MTSS1: variants seen among roughly 807,000 people sequenced by gnomAD.
The protein encoded by MTSS1 is MTSS I-BAR domain containing 1.
In MTSS1, 18 loss-of-function variants were observed where a neutral mutation model predicts 79.0. The ratio of observed to expected loss-of-function variants is 0.23; its 90% confidence interval spans 0.16 to 0.34. MTSS1 has a LOEUF of 0.34. MTSS1 is among the 10% of genes least tolerant of loss of function. The pLI is 1.00. For synonymous variants in MTSS1, 341 were observed against 368.6 expected (o/e 0.93, Z 0.86); for missense variants, 815 against 986.2 (o/e 0.83, Z 2.33).
intron 5 of MTSS1, among the ~76,000 whole-genome samples, chr8:124,586,340 G>A (rs1391859208): frequency 6.6e-6 from 1 of 152,172 alleles, no homozygotes; most frequent in African/African-American, 2.4e-5. Flanking sequence ...CTGCCTATCT[G>A]CACAGTTTTC....
At chr8:124,556,485 A>G in intron 11 of MTSS1, 80 bp from the exon 12 acceptor site, 7 of 1,432,036 alleles carry the variant, frequency 4.9e-6, no homozygotes, top group Non-Finnish European at 5.6e-6. Context: ...ACAGCTCCCC[A>G]GAGAAGGCAG....
chr8:124,556,472 T>A (rs554181662), intron 11 of MTSS1, 67 bp from the exon 12 acceptor site: 1 of 1,488,400 alleles, frequency 6.7e-7, no homozygotes, highest in Non-Finnish European at 9.0e-7. Flanking sequence ...GGGGACCCCA[T>A]AGACAGCTCC....
intron 6 of MTSS1, among the ~76,000 whole-genome samples, chr8:124,572,738 C>CTTTTTT (rs1554644706): frequency 7.6e-6 from 1 of 132,426 alleles, no homozygotes; most frequent in Non-Finnish European, 1.6e-5. Context: ...TCTTTCTTTT[C>CTTTTTT]TTTTCTTTTT....
chr8:124,664,386 T>C (rs908950501), intron 3 of MTSS1, among the ~76,000 whole-genome samples: 2 of 152,236 alleles, frequency 1.3e-5, no homozygotes, highest in Non-Finnish European at 2.9e-5. Context: ...AGTAGCTTCC[T>C]ACTGGCCTTT....
At chr8:124,672,195 TA>T (rs1400931991) in intron 3 of MTSS1, among the ~76,000 whole-genome samples, 1 of 152,142 alleles carries the variant, frequency 6.6e-6, no homozygotes, top group Non-Finnish European at 1.5e-5. Context: ...TTTGTTCACT[TA>T]AAAATATGGA....
intron 3 of MTSS1, among the ~76,000 whole-genome samples, chr8:124,648,903 A>G (rs899949628): frequency 1.9e-4 from 29 of 152,184 alleles, no homozygotes; most frequent in African/African-American, 7.0e-4. Flanking sequence ...TCCACCCGGG[A>G]CTACCCTCAA....
intron 1 of MTSS1, among the ~76,000 whole-genome samples, chr8:124,725,047 A>G (rs1588014346): frequency 6.6e-6 from 1 of 152,160 alleles, no homozygotes; most frequent in African/African-American, 2.4e-5. Context: ...TTCATTAGCG[A>G]CCACCACCAC....
At chr8:124,689,229 C>T (rs1285972882) in intron 3 of MTSS1, among the ~76,000 whole-genome samples, 1 of 152,036 alleles carries the variant, frequency 6.6e-6, no homozygotes, top group Non-Finnish European at 1.5e-5. Flanking sequence ...ACATTTTGTG[C>T]GTGTTTTCTA....
chr8:124,594,479 G>A (rs1397225555), intron 3 of MTSS1, among the ~76,000 whole-genome samples: 2 of 152,166 alleles, frequency 1.3e-5, no homozygotes, highest in African/African-American at 2.4e-5. Flanking sequence ...ACAGTGAGCT[G>A]AGACTGCGCC....
chr8:124,621,554 T>G (rs551050721), intron 3 of MTSS1, among the ~76,000 whole-genome samples: 6 of 137,228 alleles, frequency 4.4e-5, no homozygotes, highest in Non-Finnish European at 6.8e-5. Flanking sequence ...TGTTTGTGTG[T>G]TTTTTTTTGA....
intron 1 of MTSS1, among the ~76,000 whole-genome samples, chr8:124,712,237 C>T (rs1831276703): frequency 6.6e-6 from 1 of 152,154 alleles, no homozygotes; most frequent in Admixed American, 6.5e-5. Context: ...CCACAGCCAC[C>T]CCTGCCACCA....
intron 3 of MTSS1, among the ~76,000 whole-genome samples, chr8:124,685,246 G>C (rs1474960909): frequency 2.0e-5 from 3 of 152,144 alleles, no homozygotes; most frequent in Non-Finnish European, 4.4e-5. Context: ...GTGTCACACA[G>C]CACTGCAAAA....
chr8:124,594,684 A>T (rs1477175411), intron 3 of MTSS1, among the ~76,000 whole-genome samples: 2 of 152,250 alleles, frequency 1.3e-5, no homozygotes, highest in African/African-American at 4.8e-5. Context: ...GAAAACTTCC[A>T]AACAGCAGTG....
chr8:124,636,373 C>T (rs1465289072), intron 3 of MTSS1, among the ~76,000 whole-genome samples: 5 of 152,162 alleles, frequency 3.3e-5, no homozygotes, highest in East Asian at 1.9e-4. Flanking sequence ...TCAAGTGATC[C>T]GCCTGCCTCG....
At chr8:124,617,713 G>C (rs976675680) in intron 3 of MTSS1, among the ~76,000 whole-genome samples, 1 of 152,080 alleles carries the variant, frequency 6.6e-6, no homozygotes, top group Admixed American at 6.5e-5. Flanking sequence ...AATCAGAGTG[G>C]ACCTGGAGCT....
chr8:124,698,515 T>A (rs1829222761), intron 3 of MTSS1, among the ~76,000 whole-genome samples: 1 of 149,240 alleles, frequency 6.7e-6, no homozygotes, highest in Non-Finnish European at 1.5e-5. Context: ...TCTTTTTTTT[T>A]TTTTTTTTTT....
intron 3 of MTSS1, among the ~76,000 whole-genome samples, chr8:124,602,425 C>T (rs988097799): frequency 6.6e-6 from 1 of 151,924 alleles, no homozygotes; most frequent in Non-Finnish European, 1.5e-5. Context: ...GTCTTGAACT[C>T]CTGGCCTCAA....
At chr8:124,612,300 G>A (rs991190359) in intron 3 of MTSS1, among the ~76,000 whole-genome samples, 10 of 152,198 alleles carry the variant, frequency 6.6e-5, no homozygotes, top group Admixed American at 6.5e-4. Context: ...AGAAGCCAGG[G>A]TCGTCCCCAG....
rs150165353 is a variant in MTSS1, at chr8:124,648,435, CA to C, written c.208+51090del. The stretch of plus-strand genomic sequence containing the variant: ...CATCCTCCAAGCAGCACCACATCAA[CA>C]ATGAATTTCGTCTCACTGGAAGCTC... On this transcript the variant is annotated intron_variant, in intron 3 of 13. Coordinates refer to ENST00000518547, the MANE Select transcript of MTSS1 (RefSeq NM_014751.6). Among the ~76,000 whole-genome samples, 1,154 of 152,230 alleles carry C rather than the reference CA, an allele frequency of 7.6e-3. 11 individuals carry two copies. Among genetic ancestry groups the C allele is most frequent in the African/African-American group, 0.027 (1,120 of 41,536 alleles).
Sources: allele counts gnomAD v4.1 joint callset (sites outside exome capture counted in the v4.1 genomes callset), GRCh38; gene constraint gnomAD v4.1.1; transcripts MANE v1.5; gene names NCBI Gene and HGNC (gene_info 2026-07-23, HGNC 2026-07-21).